The following CCDC88B variants were observed in gnomAD, a reference collection of about 807,000 sequenced individuals.
The protein encoded by CCDC88B is coiled-coil domain-containing protein 88B.
A neutral mutation model predicts 183.7 loss-of-function variants in CCDC88B; 138 were observed. That is an observed-to-expected ratio of 0.75 (90% CI 0.65 to 0.87). The LOEUF is 0.87. Among genes scored for constraint, CCDC88B ranks in the 40% least tolerant of loss-of-function variants. CCDC88B has a pLI of 0.00. For missense variants in CCDC88B, 1,822 were observed against 1,965.6 expected, an observed-to-expected ratio of 0.93 and a Z score of 1.38; for synonymous variants, 835 against 867.5, an observed-to-expected ratio of 0.96 and a Z score of 0.66.
In CCDC88B at chr11:64,344,360, C is replaced by T. The variant is rs200803890; in HGVS notation, c.1819C>T (p.Pro607Ser). The T allele has an allele frequency of 8.8e-6, 14 of 1,590,600 alleles. No individual in the cohort carries two copies. Among genetic ancestry groups the T allele is most frequent in the African/African-American group, 1.4e-5 (1 of 73,638 alleles). ...SLQSPASVAP[P>S]QGPGTKIQAP... ...CCAGAGCCCTGCCTCTGTGGCCCCACCTCAGGGTCCAGGGACCAAAATTCA... is the reference window on the plus strand; with the variant it reads ...CCAGAGCCCTGCCTCTGTGGCCCCATCTCAGGGTCCAGGGACCAAAATTCA... The change falls in exon 14 of 27, where the codon CCT (proline) becomes TCT (serine). Residue 607 changes from proline (P) to serine (S), a missense_variant. Coordinates refer to ENST00000356786, the MANE Select transcript of CCDC88B (RefSeq NM_032251.6). The surrounding 1 kb of genome is among the most constrained non-coding windows in gnomAD (Gnocchi z 4.5).
Position 64,340,332 on chromosome 11 carries a change from G to C in CCDC88B, c.60+6G>C. The C allele has an allele frequency of 2.3e-6, 3 of 1,293,860 alleles. No homozygotes were observed. The highest frequency in any genetic ancestry group is 3.0e-6 in the Non-Finnish European group (3 of 1,011,652). The allele number at this position is 1,293,860 out of a possible 1,614,324, so 80.1% of individuals were successfully genotyped here. A position where few individuals can be genotyped will look rare whatever the true frequency, so the allele number is the denominator to read the frequency against. ...GTGGGAGTCTGGCTACCTGGGTGAG[G>C]GGGCAGGTGGCAGCGGGTTGGGGAG... On this transcript the variant is annotated splice_donor_region_variant and intron_variant, in intron 1 of 26. Transcript: ENST00000356786.
rs745461138 is a variant in CCDC88B at position 64,355,304 on chromosome 11, C to T, written c.4210C>T (p.Arg1404Ter). The T allele has an allele frequency of 2.5e-6, 4 of 1,591,796 alleles. No individual in the cohort carries two copies. Among genetic ancestry groups the T allele is most frequent in the Non-Finnish European group, 2.6e-6 (3 of 1,170,018 alleles). ...RKLSSRFPVGRSSESFSPGDT... is the reference protein window; with the variant it reads ...RKLSSRFPVG The stretch of plus-strand genomic sequence containing the variant: ...ACTCAGCTCAAGGTTCCCGGTGGGG[C>T]GAAGCTCTGAGTCATTCAGCCCTGG... Residue 1404 changes from arginine (R) to a stop codon, truncating the protein, a stop_gained, in exon 25 of 27, where the codon CGA (arginine) becomes TGA (stop). Transcript: ENST00000356786. LOFTEE classifies it high-confidence loss of function.
Position 64,343,891 on chromosome 11 carries a change from C to G in CCDC88B, c.1432C>G (p.Leu478Val), listed in dbSNP as rs780108710. The change falls in exon 13 of 27, where the codon CTT (leucine) becomes GTT (valine). Residue 478 changes from leucine (L) to valine (V), a missense_variant. Leu to Val is a conservative substitution (Grantham distance 32). Coordinates refer to ENST00000356786, the MANE Select transcript of CCDC88B (RefSeq NM_032251.6). Reference protein sequence around the residue: ...NRELRGLLQVLQGQPGGQHPL... With the variant: ...NRELRGLLQVVQGQPGGQHPL... ...GGAGCTTCGGGGGCTGCTTCAGGTG[C>G]TTCAGGGGCAGCCAGGGGGCCAGGT... The G allele has an allele frequency of 1.9e-6, 3 of 1,604,888 alleles. No homozygotes were observed. The South Asian group carries it at 3.3e-5, about 18-fold the overall frequency.
intron 14 of CCDC88B, among the ~76,000 whole-genome samples, chr11:64,345,984 G>A (rs567191413): frequency 2.5e-4 from 38 of 152,294 alleles, no homozygotes; most frequent in African/African-American, 7.2e-4. Flanking sequence ...CAGCCTGGGC[G>A]ACAGAGCGAG....
At chr11:64,347,825 C>T (rs910770370) in intron 14 of CCDC88B, among the ~76,000 whole-genome samples, 3 of 151,874 alleles carry the variant, frequency 2.0e-5, no homozygotes, top group Admixed American at 6.6e-5. Flanking sequence ...CTGAGGTGGG[C>T]GGATGACCGG....
intron 19 of CCDC88B, 97 bp downstream of exon 19, chr11:64,352,483 C>T (rs2036376635): frequency 1.4e-6 from 2 of 1,434,038 alleles, no homozygotes; most frequent in Non-Finnish European, 9.2e-7. Flanking sequence ...GGAAGCACCT[C>T]CACCTCCGCT....
chr11:64,343,253 G>A lies in CCDC88B; in HGVS notation c.1137G>A (p.Glu379=), dbSNP rs2035959736. 1.3e-6 allele frequency: 2 copies of A among 1,548,482 alleles called. No individual in the cohort carries two copies. The highest frequency in any genetic ancestry group is 1.4e-5 in the African/African-American group (1 of 73,010). The change falls in exon 11 of 27, where the codon GAG becomes GAA. Residue 379 remains glutamate, a synonymous_variant. Transcript: ENST00000356786. ...AAGAGCAGCTGGAGGCTGCCCGAGA[G>A]CGCTGCGCCCGGCTGCACGAGACCC... The part of the protein sequence containing the change: ...LLEEQLEAAR[E]RCARLHETQR...
In CCDC88B at chr11:64,353,134, C is replaced by T. The variant is rs1216173941; in HGVS notation, c.3581C>T (p.Ala1194Val). 6.3e-7 allele frequency: 1 copy of T among 1,599,618 alleles called. No individual in the cohort carries two copies. The highest frequency in any genetic ancestry group is 8.5e-7 in the Non-Finnish European group (1 of 1,174,186). The change falls in exon 21 of 27, where the codon GCG becomes GTG. Residue 1194 changes from alanine to valine, a missense_variant. Coordinates refer to ENST00000356786, the MANE Select transcript of CCDC88B (RefSeq NM_032251.6). Reference protein sequence around the residue: ...GERGELRGRLARLELERAQLE... With the variant: ...GERGELRGRLVRLELERAQLE... ...CGCGGGGAGCTACGGGGCCGGCTGG[C>T]GCGGCTGGAGCTGGAGCGGGCACAG... is the stretch of plus-strand genomic sequence containing the variant.
intron 19 of CCDC88B, 67 bp downstream of exon 19, chr11:64,352,453 G>T: frequency 1.4e-6 from 2 of 1,472,010 alleles, no homozygotes; most frequent in Non-Finnish European, 1.8e-6. Flanking sequence ...ACTCCCCTCA[G>T]CAGGTCTGAC....
chr11:64,351,426 T>G (rs965509324), intron 17 of CCDC88B, 50 bp from the exon 18 acceptor site: 1 of 1,552,950 alleles, frequency 6.4e-7, no homozygotes, highest in Admixed American at 1.9e-5. Context: ...TGGTAGGCAC[T>G]AGGGGGTGCC....
intron 16 of CCDC88B, 27 bp downstream of exon 16, chr11:64,349,695 G>A: frequency 1.9e-6 from 3 of 1,559,416 alleles, no homozygotes; most frequent in Non-Finnish European, 2.6e-6. Context: ...TGGGAGCTGG[G>A]GGCCATGCCA....
In CCDC88B at chr11:64,355,620, A is replaced by G. The variant is rs564327746; in HGVS notation, c.4367A>G (p.Asn1456Ser). 2.5e-6 allele frequency: 4 copies of G among 1,611,414 alleles called. No homozygotes were observed. The African/African-American group carries it at 5.3e-5, about 22-fold the overall frequency. Reference sequence around the variant, plus strand: ...CTGCAGGAACACGAAACAGATGCCAACCGAGAGGGTGAGTGGGGGACTGTG... The same window carrying G: ...CTGCAGGAACACGAAACAGATGCCAGCCGAGAGGGTGAGTGGGGGACTGTG... The part of the protein sequence containing the change: ...ETLQEHETDA[N>S]REGPEVQEPE... The change falls in exon 26 of 27, where the codon AAC becomes AGC. Residue 1456 changes from asparagine (N) to serine (S), a missense_variant. By Grantham distance (46) the Asn-to-Ser change is conservative. Coordinates refer to ENST00000356786, the MANE Select transcript of CCDC88B (RefSeq NM_032251.6).
intron 19 of CCDC88B, 34 bp downstream of exon 19, chr11:64,352,420 G>A (rs1213418186): frequency 6.7e-7 from 1 of 1,501,412 alleles, no homozygotes; most frequent in East Asian, 2.5e-5. Flanking sequence ...TCCTCCCCTG[G>A]CACCCCCTAT....
At position 64,357,413 on chromosome 11, in the gene CCDC88B, AC is replaced by A; in HGVS notation, c.*324del. On this transcript the variant is annotated 3_prime_UTR_variant, in exon 27 of 27. Coordinates refer to ENST00000356786, the MANE Select transcript of CCDC88B (RefSeq NM_032251.6). ...GAGGCTGGCAGGAGTTGGCAAGAGA[AC>A]CCCCTGCCCTGTCCAGGTGGGAAGC... 2 of 717,060 alleles carry A rather than the reference AC, an allele frequency of 2.8e-6. No homozygotes were observed. Among genetic ancestry groups the A allele is most frequent in the Non-Finnish European group, 2.6e-6 (1 of 384,990 alleles). The allele number at this position is 717,060 out of a possible 1,614,324, so 44.4% of individuals were successfully genotyped here. A position where few individuals can be genotyped will look rare whatever the true frequency, so the allele number is the denominator to read the frequency against.
Position 64,342,531 on chromosome 11 carries a change from C to A in CCDC88B, c.913C>A (p.Leu305Met). 1 of 1,529,648 alleles carries A rather than the reference C, an allele frequency of 6.5e-7. No homozygotes were observed. The highest frequency in any genetic ancestry group is 8.7e-7 in the Non-Finnish European group (1 of 1,143,504). The allele number at this position is 1,529,648 out of a possible 1,614,324, so 94.8% of individuals were successfully genotyped here. A position where few individuals can be genotyped will look rare whatever the true frequency, so the allele number is the denominator to read the frequency against. ...ACACCGTCTGGCCCAGGCCCAGGCGCTGTCGGGACAGGCCAAGCGGGCCGA... is the reference window on the plus strand; with the variant it reads ...ACACCGTCTGGCCCAGGCCCAGGCGATGTCGGGACAGGCCAAGCGGGCCGA... ...IRRLRQEAQA[L>M]SGQAKRAELY... The change falls in exon 10 of 27, where the codon CTG (leucine) becomes ATG (methionine). Residue 305 changes from leucine to methionine, a missense_variant. Transcript: ENST00000356786.
chr11:64,351,116 C>T, intron 16 of CCDC88B, 44 bp from the exon 17 acceptor site: 9 of 1,379,944 alleles, frequency 6.5e-6, no homozygotes, highest in Non-Finnish European at 8.7e-6. Context: ...ATCCCCAAGG[C>T]ACTGCGGCTG....
At chr11:64,353,591 C>G in intron 22 of CCDC88B, 95 bp downstream of exon 22, 1 of 1,576,298 alleles carries the variant, frequency 6.3e-7, no homozygotes, top group Non-Finnish European at 8.6e-7. Context: ...AGGGTTGGAG[C>G]TGACCTTCCA....
chr11:64,349,548 C>CTTGG lies in CCDC88B; in HGVS notation c.2745-3_2745-2insTTGG, dbSNP rs2036248196. 1.3e-6 allele frequency: 2 copies of CTTGG among 1,596,908 alleles called. No homozygotes were observed. The highest frequency in any genetic ancestry group is 1.7e-6 in the Non-Finnish European group (2 of 1,173,298). ...GGCTGGGTGCTAAGGATTCTCCTGG[C>CTTGG]AGGTACCAGGGCTTGGAGCAGCGGC... is the stretch of plus-strand genomic sequence containing the variant. On this transcript the variant is annotated splice_region_variant and splice_polypyrimidine_tract_variant and intron_variant, in intron 15 of 26. Coordinates refer to ENST00000356786, the MANE Select transcript of CCDC88B (RefSeq NM_032251.6).
At position 64,341,651 on chromosome 11, in the gene CCDC88B, G is replaced by T; in HGVS notation, c.584G>T (p.Gly195Val). Reference sequence around the variant, plus strand: ...CTGGCACTGTCTGGGCCAGATCCTGGGGAGCTGGCACCTGCCGAGCTGGAG... The same window carrying T: ...CTGGCACTGTCTGGGCCAGATCCTGTGGAGCTGGCACCTGCCGAGCTGGAG... ...VVLALSGPDPGELAPAELEML... is the reference protein window; with the variant it reads ...VVLALSGPDPVELAPAELEML... Residue 195 changes from glycine (G) to valine (V), a missense_variant, in exon 7 of 27, where the codon GGG (glycine) becomes GTG (valine). Coordinates refer to ENST00000356786, the MANE Select transcript of CCDC88B (RefSeq NM_032251.6). 2 of 1,607,406 alleles carry T rather than the reference G, an allele frequency of 1.2e-6. No homozygotes were observed. The highest frequency in any genetic ancestry group is 1.7e-6 in the Non-Finnish European group (2 of 1,177,230).
Sources: gnomAD v4.1 joint callset for allele counts (sites outside exome capture counted in the v4.1 genomes callset) on GRCh38, gnomAD v4.1.1 for gene constraint, Gnocchi (gnomAD v3.1) non-coding constraint, MANE v1.5 for transcripts, NCBI Gene and HGNC (gene_info 2026-07-23, HGNC 2026-07-21) for gene names.